The following TUSC3 variants were observed in gnomAD, a reference collection of about 807,000 sequenced individuals.
TUSC3 encodes tumor suppressor candidate 3.
In TUSC3, 45 loss-of-function variants were observed where a neutral mutation model predicts 44.8. The ratio of observed to expected loss-of-function variants is 1.00; its 90% CI spans 0.79 to 1.29. TUSC3 has a LOEUF of 1.29. TUSC3 is among the 50% of genes most tolerant of loss of function. The pLI is 0.00. For synonymous variants in TUSC3, 212 were observed against 152.9 expected, an observed-to-expected ratio of 1.39 and a Z score of -2.85; for missense variants, 519 against 437.9, an observed-to-expected ratio of 1.19 and a Z score of -1.65.
At chr8:15,657,043 A>C (rs1807205660) in intron 3 of TUSC3, among the ~76,000 whole-genome samples, 1 of 152,164 alleles carries the variant, frequency 6.6e-6, no homozygotes, top group Non-Finnish European at 1.5e-5. Context: ...TTGACGTCCC[A>C]TAGATACCCC....
intron 2 of TUSC3, among the ~76,000 whole-genome samples, chr8:15,638,138 G>T (rs1467244174): frequency 6.6e-6 from 1 of 152,076 alleles, no homozygotes; most frequent in Non-Finnish European, 1.5e-5. Flanking sequence ...CTGAGATTCT[G>T]TCTTTCTTGG....
At chr8:15,830,448 A>G in the TUSC3 span, among the ~76,000 whole-genome samples, 1 of 152,140 alleles carries the variant, frequency 6.6e-6, no homozygotes, top group African/African-American at 2.4e-5. Context: ...ATCCAAAAAG[A>G]CACCTGCACT....
intron 1 of TUSC3, among the ~76,000 whole-genome samples, chr8:15,577,309 G>T (rs1156360093): frequency 1.5e-4 from 22 of 151,430 alleles, no homozygotes; most frequent in African/African-American, 3.4e-4. Context: ...AGAAGCTCTT[G>T]AGTTTAATGA....
intron 1 of TUSC3, among the ~76,000 whole-genome samples, chr8:15,545,959 C>CTCCATAAGA (rs1400186602): frequency 3.3e-5 from 5 of 151,654 alleles, no homozygotes; most frequent in African/African-American, 1.2e-4. Context: ...AATTGCTCAT[C>CTCCATAAGA]TCCATAAGAA....
At chr8:15,726,405 TTAAG>T (rs1461313890) in intron 6 of TUSC3, among the ~76,000 whole-genome samples, 3 of 152,218 alleles carry the variant, frequency 2.0e-5, no homozygotes, top group Non-Finnish European at 2.9e-5. Context: ...AAATTGGGCT[TTAAG>T]TAAGTCATGA....
chr8:15,796,374 CTG>C, the TUSC3 span, among the ~76,000 whole-genome samples: 1 of 152,150 alleles, frequency 6.6e-6, no homozygotes, highest in Non-Finnish European at 1.5e-5. Context: ...ATCTGTCAGT[CTG>C]TGGTTTTCCA....
chr8:15,806,837 T>C, the TUSC3 span: 2 of 957,058 alleles, frequency 2.1e-6, no homozygotes, highest in Non-Finnish European at 3.3e-6. Context: ...TCCTACAAAG[T>C]AAACGTCTAG....
At chr8:15,450,954 G>A (rs927944968) in intron 1 of TUSC3, among the ~76,000 whole-genome samples, 1 of 152,112 alleles carries the variant, frequency 6.6e-6, no homozygotes, top group Admixed American at 6.5e-5. Flanking sequence ...GACCCTTCTG[G>A]CAGTGAACTT....
At chr8:15,776,503 C>T in the TUSC3 span, among the ~76,000 whole-genome samples, 2 of 152,080 alleles carry the variant, frequency 1.3e-5, no homozygotes, top group East Asian at 1.9e-4. Context: ...AGGAATTTCT[C>T]ATCTGCCCAT....
intron 1 of TUSC3, among the ~76,000 whole-genome samples, chr8:15,584,740 G>A (rs1230269363): frequency 1.3e-5 from 2 of 152,072 alleles, no homozygotes; most frequent in African/African-American, 4.8e-5. Flanking sequence ...GAAAATCCCA[G>A]GTAGTGAGAA....
the TUSC3 span, among the ~76,000 whole-genome samples, chr8:15,781,591 A>G: frequency 6.6e-6 from 1 of 151,724 alleles, no homozygotes; most frequent in South Asian, 2.1e-4. Flanking sequence ...AAAAATTCAG[A>G]AAGAAAAAAA....
intron 7 of TUSC3, among the ~76,000 whole-genome samples, 181 bp downstream of exon 7, chr8:15,730,910 T>A (rs1208506314): frequency 6.6e-6 from 1 of 152,058 alleles, no homozygotes; most frequent in African/African-American, 2.4e-5. Flanking sequence ...AATTTGTTGC[T>A]ATTCCGTATC....
rs560950565 is a variant in TUSC3, at chr8:15,473,844, G to A, written n.92-9542G>A. ...GTCTGTGTTCAGCTGTGCACATATT[G>A]TCTTGATAAACATCTTAAACAACAG... On this transcript the variant is annotated intron_variant and non_coding_transcript_variant, in intron 1 of 5. Coordinates refer to the TUSC3 transcript ENST00000503191. Among the ~76,000 whole-genome samples the A allele has an allele frequency of 2.6e-5, 4 of 152,276 alleles. No individual in the cohort carries two copies. The South Asian group carries it at 8.3e-4, about 32-fold the overall frequency.
At chr8:15,611,995 G>T (rs753182166) in intron 1 of TUSC3, among the ~76,000 whole-genome samples, 1 of 152,158 alleles carries the variant, frequency 6.6e-6, no homozygotes, top group Non-Finnish European at 1.5e-5. Context: ...GTCTTGAAAA[G>T]TAAAGGCTTC....
At chr8:15,692,370 C>CT (rs1563175835) in intron 6 of TUSC3, among the ~76,000 whole-genome samples, 10 of 39,222 alleles carry the variant, frequency 2.5e-4, no homozygotes, top group East Asian at 6.6e-4. Flanking sequence ...CCCCCCCCCC[C>CT]CTTTGTTTTT....
At chr8:15,461,919 G>C (rs1313481160) in intron 1 of TUSC3, among the ~76,000 whole-genome samples, 2 of 151,906 alleles carry the variant, frequency 1.3e-5, no homozygotes, top group African/African-American at 4.8e-5. Context: ...ACTATAGTAT[G>C]GATATGTGGT....
At chr8:15,577,772 G>C (rs4831751) in intron 1 of TUSC3, among the ~76,000 whole-genome samples, 53,586 of 140,170 alleles carry the variant, frequency 0.38, 12,961 homozygotes, top group Non-Finnish European at 0.53. Flanking sequence ...TGTTCTTTTG[G>C]CTTAGGATTG....
At chr8:15,463,560 G>C (rs1585054622) in intron 1 of TUSC3, among the ~76,000 whole-genome samples, 2 of 152,080 alleles carry the variant, frequency 1.3e-5, no homozygotes, top group East Asian at 3.9e-4. Flanking sequence ...GTGGCAGGAA[G>C]GTAATAGAAT....
the TUSC3 span, among the ~76,000 whole-genome samples, chr8:15,817,727 C>A: frequency 6.6e-6 from 1 of 152,164 alleles, no homozygotes; most frequent in Non-Finnish European, 1.5e-5. Flanking sequence ...CAATTAAACC[C>A]CTTTCCTTTA....
Sources: allele counts gnomAD v4.1 joint callset (sites outside exome capture counted in the v4.1 genomes callset), GRCh38; gene constraint gnomAD v4.1.1; transcripts MANE v1.5; gene names NCBI Gene and HGNC (gene_info 2026-07-23, HGNC 2026-07-21).